USP38: variants seen among roughly 807,000 people sequenced by gnomAD.
USP38 encodes ubiquitin carboxyl-terminal hydrolase 38.
In USP38, 49 loss-of-function variants were observed where a neutral mutation model predicts 94.3. That is an observed-to-expected ratio of 0.52 (90% CI 0.41 to 0.66). The LOEUF (loss-of-function observed/expected upper bound fraction) is 0.66. Among genes scored for constraint, USP38 ranks in the 30% least tolerant of loss-of-function variants. The pLI, the probability that USP38 is intolerant of heterozygous loss-of-function variation, is 0.00. For synonymous variants in USP38, 468 were observed against 463.6 expected (o/e 1.01, Z -0.12); for missense variants, 1,128 against 1,229.4 (o/e 0.92, Z 1.23).
intron 4 of USP38, among the ~76,000 whole-genome samples, chr4:143,200,158 G>A (rs76529644): frequency 0.027 from 4,092 of 152,194 alleles, 84 homozygotes; most frequent in Non-Finnish European, 0.04. Context: ...TCCTCAACTT[G>A]CAAAGCAAAT....
chr4:143,214,742 A>G lies in USP38; in HGVS notation c.2766A>G (p.Thr922=), dbSNP rs1732135572. ...EWFLFNDSRV[T]FTSFQSVQKI... ...TTTTATTTAATGACAGTAGAGTGAC[A>G]TTTACTTCATTTCAGTCAGTCCAGA... Residue 922 remains threonine, a synonymous_variant, in exon 9 of 10, where the codon ACA becomes ACG. Transcript: ENST00000307017. 1.2e-6 allele frequency: 2 copies of G among 1,613,662 alleles called. No homozygotes were observed. The highest frequency in any genetic ancestry group is 1.1e-5 in the South Asian group (1 of 91,084).
rs374172310 is a variant in USP38 at position 143,220,243 on chromosome 4, C to T, written c.2968-52C>T. 5.0e-5 allele frequency: 76 copies of T among 1,511,774 alleles called. No homozygotes were observed. In the East Asian group the frequency reaches 6.7e-4, roughly 13 times the overall value. 93.6% of individuals were successfully genotyped at this position (1,511,774 alleles called of 1,614,324 possible). A position where few individuals can be genotyped will look rare whatever the true frequency, so the allele number is the denominator to read the frequency against. ...TAAAATATTTCTATAGGTGATATAA[C>T]GATCCATTGTATTTAGCATTTTAAT... On this transcript the variant is annotated intron_variant, in intron 9 of 9. Transcript: ENST00000307017.
chr4:143,204,255 C>T (rs1581163068), intron 5 of USP38, among the ~76,000 whole-genome samples: 1 of 152,326 alleles, frequency 6.6e-6, no homozygotes, highest in Middle Eastern at 3.4e-3. Flanking sequence ...CCTGGGATTA[C>T]AGGCGTGAGC....
At chr4:143,209,761 G>A in intron 7 of USP38, 104 bp downstream of exon 7, 1 of 653,918 alleles carries the variant, frequency 1.5e-6, no homozygotes. Context: ...TAATATAATA[G>A]ATATCTCACC....
intron 3 of USP38, among the ~76,000 whole-genome samples, chr4:143,196,710 G>C (rs183019793): frequency 4.6e-5 from 7 of 152,242 alleles, no homozygotes; most frequent in African/African-American, 1.7e-4. Context: ...ATGACTGCCA[G>C]ATTTATATTT....
rs1270777928 is a variant in USP38, at chr4:143,212,397, C to G, written c.1577C>G (p.Ser526Cys). ...WFTPRSQQDC[S>C]EYLRFLLDRL... is the part of the protein sequence containing the mutation. Reference sequence around the variant, plus strand: ...ACTCCCAGATCACAGCAAGACTGTTCTGAATACCTCAGATTTCTCCTTGAC... The same window carrying G: ...ACTCCCAGATCACAGCAAGACTGTTGTGAATACCTCAGATTTCTCCTTGAC... Residue 526 changes from serine to cysteine, a missense_variant, in exon 8 of 10, where the codon TCT (serine) becomes TGT (cysteine). Coordinates refer to ENST00000307017, the MANE Select transcript of USP38 (RefSeq NM_032557.6). 1.2e-6 allele frequency: 2 copies of G among 1,606,450 alleles called. No homozygotes were observed. Among genetic ancestry groups the G allele is most frequent in the African/African-American group, 1.3e-5 (1 of 74,426 alleles).
chr4:143,209,720 A>G, intron 7 of USP38, 63 bp downstream of exon 7: 1 of 995,272 alleles, frequency 1.0e-6, no homozygotes, highest in Non-Finnish European at 1.5e-6. Context: ...ATTAAACTTT[A>G]CCTTATACCT....
rs1361748744 is a variant in USP38 at position 143,223,232 on chromosome 4, C to G, written c.*2776C>G. On this transcript the variant is annotated 3_prime_UTR_variant, in exon 10 of 10. Transcript: ENST00000307017. ...GATTCTAGCTCATTTTCCATTCAAGCATCTTCCCACTGCCTCTCTTCCAGC... is the reference window on the plus strand; with the variant it reads ...GATTCTAGCTCATTTTCCATTCAAGGATCTTCCCACTGCCTCTCTTCCAGC... 1.3e-5 allele frequency: 2 copies of G among 152,094 alleles called. No individual in the cohort carries two copies. The highest frequency in any genetic ancestry group is 2.9e-5 in the Non-Finnish European group (2 of 67,984). 9.4% of individuals were successfully genotyped at this position (152,094 alleles called of 1,614,324 possible).
intron 8 of USP38, among the ~76,000 whole-genome samples, 190 bp downstream of exon 8, chr4:143,212,614 G>A (rs1182754984): frequency 6.6e-6 from 1 of 151,266 alleles, no homozygotes; most frequent in Non-Finnish European, 1.5e-5. Context: ...TCTTCCTTGA[G>A]ACCAGCTGTT....
Position 143,221,910 on chromosome 4 carries a change from A to G in USP38, c.*1454A>G, listed in dbSNP as rs1398980999. On this transcript the variant is annotated 3_prime_UTR_variant, in exon 10 of 10. Transcript: ENST00000307017. ...TTTCCAATCACCAGGAAGATTAGGA[A>G]GGCAGATTAGATTAAAAACTGAAAA... The G allele has an allele frequency of 1.3e-5, 2 of 152,116 alleles. No homozygotes were observed. Among genetic ancestry groups the G allele is most frequent in the Admixed American group, 6.6e-5 (1 of 15,244 alleles). The allele number at this position is 152,116 out of a possible 1,614,324, so 9.4% of individuals were successfully genotyped here. A position where few individuals can be genotyped will look rare whatever the true frequency, so the allele number is the denominator to read the frequency against.
intron 9 of USP38, among the ~76,000 whole-genome samples, chr4:143,216,692 T>C (rs1487616289): frequency 6.6e-6 from 1 of 152,034 alleles, no homozygotes; most frequent in Non-Finnish European, 1.5e-5. Context: ...CCCAGGCTAG[T>C]CTCAAACTCC....
At chr4:143,209,533 C>T (rs769416389) in intron 6 of USP38, 31 bp from the exon 7 acceptor site, 14 of 1,324,074 alleles carry the variant, frequency 1.1e-5, no homozygotes, top group South Asian at 1.2e-5. Flanking sequence ...TTTGTACGCA[C>T]ATATATATAA....
rs571481025 is a variant in USP38, at chr4:143,205,467, A to G, written c.1210-566A>G. On this transcript the variant is annotated intron_variant, in intron 5 of 9. Transcript: ENST00000307017. ...AATCCATATGTTGTAATAATTTTCTATATGGGTAACATGAGATTAAGTTTT... is the reference window on the plus strand; with the variant it reads ...AATCCATATGTTGTAATAATTTTCTGTATGGGTAACATGAGATTAAGTTTT... 2.2e-4 allele frequency among the ~76,000 whole-genome samples: 34 copies of G among 152,354 alleles called. 1 individual carries two copies. The highest frequency in any genetic ancestry group is 8.3e-4 in the South Asian group (4 of 4,830).
rs1166508819 is a variant in USP38, at chr4:143,213,895, T to A, written c.1919T>A (p.Ile640Lys). ...CAAGATCCAGCATCATCACCCAGTA[T>A]ACAAGATGGTGGTCTAATGCAAGCC... The part of the protein sequence containing the change: ...SVQDPASSPS[I>K]QDGGLMQASV... Residue 640 changes from isoleucine to lysine, a missense_variant, in exon 9 of 10, where the codon ATA becomes AAA. Ile to Lys is a moderately radical substitution (Grantham distance 102, BLOSUM62 -3). Coordinates refer to ENST00000307017, the MANE Select transcript of USP38 (RefSeq NM_032557.6). 1.9e-6 allele frequency: 3 copies of A among 1,613,778 alleles called. No homozygotes were observed. The African/African-American group carries it at 4.0e-5, about 22-fold the overall frequency.
Position 143,185,105 on chromosome 4 carries a change from G to C in USP38, c.-346G>C, listed in dbSNP as rs994426781. 2 of 199,986 alleles carry C rather than the reference G, an allele frequency of 1.0e-5. No homozygotes were observed. The highest frequency in any genetic ancestry group is 2.0e-5 in the Non-Finnish European group (2 of 100,206). The allele number at this position is 199,986 out of a possible 1,614,324, so 12.4% of individuals were successfully genotyped here. On this transcript the variant is annotated 5_prime_UTR_variant, in exon 1 of 10. Transcript: ENST00000307017. ...CCTCCACCCGCCGGCTAGCAGCCCC[G>C]GGCCCTGAGCTCCCGCCGACGCCGC... is the stretch of plus-strand genomic sequence containing the variant.
In USP38 at chr4:143,220,571, G is replaced by T; in HGVS notation, c.*115G>T. The T allele has an allele frequency of 1.9e-6, 2 of 1,039,718 alleles. No homozygotes were observed. The highest frequency in any genetic ancestry group is 3.1e-5 in the East Asian group (1 of 31,892). The allele number at this position is 1,039,718 out of a possible 1,614,324, so 64.4% of individuals were successfully genotyped here. ...TTTTCATTAGACCCTTATACTTCAAGAGAACACACTCAGTGCTTGTTTTTA... is the reference window on the plus strand; with the variant it reads ...TTTTCATTAGACCCTTATACTTCAATAGAACACACTCAGTGCTTGTTTTTA... On this transcript the variant is annotated 3_prime_UTR_variant, in exon 10 of 10. Coordinates refer to ENST00000307017, the MANE Select transcript of USP38 (RefSeq NM_032557.6).
chr4:143,218,215 A>T (rs1732233459), intron 9 of USP38, among the ~76,000 whole-genome samples: 1 of 152,076 alleles, frequency 6.6e-6, no homozygotes, highest in Non-Finnish European at 1.5e-5. Context: ...TGTGCAGTTT[A>T]AAGAAAAATA....
rs1209367767 is a variant in USP38 at position 143,197,119 on chromosome 4, T to C, written c.949-704T>C. Among the ~76,000 whole-genome samples the C allele has an allele frequency of 2.0e-5, 3 of 152,232 alleles. No individual in the cohort carries two copies. In the East Asian group the frequency reaches 5.8e-4, roughly 29 times the overall value. Reference sequence around the variant, plus strand: ...CACTGTTACTGCCTCGGTCTCTTGCTTCACTTACACTGCCCTTTTTTCTTC... The same window carrying C: ...CACTGTTACTGCCTCGGTCTCTTGCCTCACTTACACTGCCCTTTTTTCTTC... On this transcript the variant is annotated intron_variant, in intron 3 of 9. Coordinates refer to ENST00000307017, the MANE Select transcript of USP38 (RefSeq NM_032557.6).
chr4:143,216,728 G>A (rs900448258), intron 9 of USP38, among the ~76,000 whole-genome samples: 41 of 151,952 alleles, frequency 2.7e-4, no homozygotes, highest in African/African-American at 9.6e-4. Context: ...CTCCCTCCTC[G>A]GCCTCCCAAA....
Sources: allele counts gnomAD v4.1 joint callset (sites outside exome capture counted in the v4.1 genomes callset), GRCh38; gene constraint gnomAD v4.1.1; transcripts MANE v1.5; gene names NCBI Gene and HGNC (gene_info 2026-07-23, HGNC 2026-07-21).